Variants in FAM72B observed in about 807,000 individuals in gnomAD.
FAM72B encodes protein FAM72B.
A neutral mutation model predicts 12.6 loss-of-function variants in FAM72B; 4 were observed. That is an observed-to-expected ratio of 0.32 (90% CI 0.16 to 0.73). The LOEUF (loss-of-function observed/expected upper bound fraction) is 0.73. Among genes scored for constraint, FAM72B ranks in the 30% least tolerant of loss-of-function variants. The pLI is 0.67. For synonymous variants in FAM72B, 13 were observed against 53.9 expected, an observed-to-expected ratio of 0.24 and a Z score of 3.32; for missense variants, 61 against 158.4, an observed-to-expected ratio of 0.39 and a Z score of 3.30.
chr1:121,173,077 CAAAA>C (rs587691402), intron 3 of FAM72B, among the ~76,000 whole-genome samples: 1 of 93,408 alleles, frequency 1.1e-5, no homozygotes. Flanking sequence ...AACTCTGTCT[CAAAA>C]AAAAAAAAAA....
intron 3 of FAM72B, 56 bp from the exon 4 acceptor site, chr1:121,168,891 C>A: frequency 1.4e-6 from 2 of 1,466,354 alleles, no homozygotes; most frequent in Non-Finnish European, 1.9e-6. Context: ...TAACTCAGAA[C>A]ACAAATTACG....
At position 121,168,720 on chromosome 1, in the gene FAM72B, T is replaced by C. The variant is rs1553315705; in HGVS notation, c.*21A>G. On this transcript the variant is annotated 3_prime_UTR_variant, in exon 4 of 4. Coordinates refer to ENST00000369390, the MANE Select transcript of FAM72B (RefSeq NM_001100910.2). ...TTTTAAATAGAAAAAAGTTTGTATA[T>C]CATATATATCATAATTCCATTTATC... is the stretch of plus-strand genomic sequence containing the variant. 1 of 1,489,676 alleles carries C rather than the reference T, an allele frequency of 6.7e-7. No homozygotes were observed. Among genetic ancestry groups the C allele is most frequent in the Non-Finnish European group, 9.0e-7 (1 of 1,115,942 alleles). 92.3% of individuals were successfully genotyped at this position (1,489,676 alleles called of 1,614,324 possible). A position where few individuals can be genotyped will look rare whatever the true frequency, so the allele number is the denominator to read the frequency against.
At chr1:121,174,461 G>A (rs1347304918) in intron 3 of FAM72B, among the ~76,000 whole-genome samples, 54 of 141,354 alleles carry the variant, frequency 3.8e-4, no homozygotes, top group African/African-American at 1.4e-3. Context: ...TCCGCCTCCC[G>A]GGTTCAAGCC....
chr1:121,183,227 G>C, intron 1 of FAM72B, 111 bp downstream of exon 1: 1 of 379,008 alleles, frequency 2.6e-6, no homozygotes, highest in Non-Finnish European at 4.5e-6. Flanking sequence ...AAACTGGTGG[G>C]AGTGGCTGAA....
chr1:121,169,556 G>A (rs1275728443), intron 3 of FAM72B, among the ~76,000 whole-genome samples: 2 of 152,100 alleles, frequency 1.3e-5, no homozygotes, highest in South Asian at 4.2e-4. Flanking sequence ...TCTTTGGAGG[G>A]TTCAGGGAGA....
At chr1:121,170,112 AG>A (rs1273294362) in intron 3 of FAM72B, among the ~76,000 whole-genome samples, 1 of 152,144 alleles carries the variant, frequency 6.6e-6, no homozygotes, top group African/African-American at 2.4e-5. Flanking sequence ...CTGGGACTAC[AG>A]GCAAATGCCA....
intron 3 of FAM72B, among the ~76,000 whole-genome samples, chr1:121,173,437 T>C (rs1423875804): frequency 5.0e-5 from 7 of 140,042 alleles, no homozygotes; most frequent in Non-Finnish European, 9.3e-5. Flanking sequence ...AATTGTGCTT[T>C]AGTTTATTGT....
chr1:121,178,660 C>T (rs1343515753), intron 2 of FAM72B, among the ~76,000 whole-genome samples: 1 of 151,042 alleles, frequency 6.6e-6, no homozygotes, highest in East Asian at 2.0e-4. Context: ...TGAGTATCTG[C>T]TATCTTTCAG....
In FAM72B at chr1:121,175,208, G is replaced by A. The variant is rs1287684410; in HGVS notation, c.355+2000C>T. Among the ~76,000 whole-genome samples the A allele has an allele frequency of 2.4e-4, 36 of 152,098 alleles. 1 individual carries two copies. Among genetic ancestry groups the A allele is most frequent in the African/African-American group, 8.7e-4 (36 of 41,402 alleles). On this transcript the variant is annotated intron_variant, in intron 3 of 3. Transcript: ENST00000369390. ...ATGAAACAACAAAGCCTGGACGACA[G>A]CAAATCTGTTTACAGCATGTTTTAC...
At chr1:121,169,466 CTATACACTGATAATTTTCTG>C (rs1301048416) in intron 3 of FAM72B, among the ~76,000 whole-genome samples, 2 of 144,724 alleles carry the variant, frequency 1.4e-5, no homozygotes, top group African/African-American at 2.6e-5. Context: ...AACATAATCA[CTATACACTGATAATTTTCTG>C]ATCTATTTTA....
chr1:121,183,646 T>C lies in FAM72B; in HGVS notation c.-157A>G. 6.6e-7 allele frequency: 1 copy of C among 1,507,902 alleles called. No individual in the cohort carries two copies. The highest frequency in any genetic ancestry group is 8.9e-7 in the Non-Finnish European group (1 of 1,126,308). 93.4% of individuals were successfully genotyped at this position (1,507,902 alleles called of 1,614,324 possible). ...GGAAATTAGTTTTTTTTTTCTGTTT[T>C]CCCGGTGGCGGAGTAGAAGAAGTAT... On this transcript the variant is annotated 5_prime_UTR_variant, in exon 1 of 4. Coordinates refer to ENST00000369390, the MANE Select transcript of FAM72B (RefSeq NM_001100910.2).
chr1:121,178,600 C>T (rs1194257399), intron 2 of FAM72B, among the ~76,000 whole-genome samples: 1 of 130,180 alleles, frequency 7.7e-6, no homozygotes. Flanking sequence ...TTAATTACCG[C>T]CTATATTCAT....
At chr1:121,182,072 A>G (rs1430787478) in intron 1 of FAM72B, among the ~76,000 whole-genome samples, 1 of 152,200 alleles carries the variant, frequency 6.6e-6, no homozygotes, top group Non-Finnish European at 1.5e-5. Context: ...AATATTTTAG[A>G]TTTGTGTATG....
chr1:121,174,388 A>G (rs1654163465), intron 3 of FAM72B, among the ~76,000 whole-genome samples: 1 of 138,970 alleles, frequency 7.2e-6, no homozygotes, highest in Non-Finnish European at 1.5e-5. Flanking sequence ...TTTTTTTGAG[A>G]TGGAGTTTCA....
intron 2 of FAM72B, among the ~76,000 whole-genome samples, chr1:121,179,463 C>T (rs28540700): frequency 0.19 from 27,908 of 149,552 alleles, 3,093 homozygotes; most frequent in Non-Finnish European, 0.26. Context: ...GCAGGTGGAT[C>T]ACTTGAGGTC....
At chr1:121,169,641 A>T (rs587715612) in intron 3 of FAM72B, among the ~76,000 whole-genome samples, 2 of 152,330 alleles carry the variant, frequency 1.3e-5, no homozygotes, top group Non-Finnish European at 2.9e-5. Flanking sequence ...TCAGAAAAAA[A>T]GCAAGGGTTC....
chr1:121,183,136 C>T, intron 1 of FAM72B: 1 of 188,002 alleles, frequency 5.3e-6, no homozygotes, highest in Non-Finnish European at 9.5e-6. Context: ...AGAAGCATTA[C>T]ATCAGGACTG....
intron 2 of FAM72B, among the ~76,000 whole-genome samples, chr1:121,179,241 G>T (rs868976375): frequency 6.8e-6 from 1 of 146,340 alleles, no homozygotes; most frequent in Non-Finnish European, 1.5e-5. Context: ...AACTGGGCAT[G>T]GTGGCACGTG....
chr1:121,183,733 G>C lies in FAM72B; in HGVS notation c.-244C>G. ...CTTTCCTTTTAACTTTTGGAGAAGGGAGTGGAGTTTGAATTGGAGAGGAGG... is the reference window on the plus strand; with the variant it reads ...CTTTCCTTTTAACTTTTGGAGAAGGCAGTGGAGTTTGAATTGGAGAGGAGG... On this transcript the variant is annotated 5_prime_UTR_variant, in exon 1 of 4. Coordinates refer to ENST00000369390, the MANE Select transcript of FAM72B (RefSeq NM_001100910.2). The C allele has an allele frequency of 2.9e-6, 1 of 343,490 alleles. No homozygotes were observed. Among genetic ancestry groups the C allele is most frequent in the East Asian group, 7.6e-5 (1 of 13,144 alleles). The allele number at this position is 343,490 out of a possible 1,614,324, so 21.3% of individuals were successfully genotyped here. A position where few individuals can be genotyped will look rare whatever the true frequency, so the allele number is the denominator to read the frequency against.
Sources: gnomAD v4.1 joint callset for allele counts (sites outside exome capture counted in the v4.1 genomes callset) on GRCh38, gnomAD v4.1.1 for gene constraint, MANE v1.5 for transcripts, NCBI Gene and HGNC (gene_info 2026-07-23, HGNC 2026-07-21) for gene names.